Variants in TBL1X observed in about 807,000 individuals in gnomAD.
TBL1X encodes F-box-like/WD repeat-containing protein TBL1X.
A neutral mutation model predicts 50.7 loss-of-function variants in TBL1X; 10 were observed. The observed-to-expected ratio is 0.20, with a 90% CI of 0.12 to 0.33. The LOEUF (loss-of-function observed/expected upper bound fraction) is 0.33. Among genes scored for constraint, TBL1X ranks in the 10% least tolerant of loss-of-function variants. The pLI, the probability that TBL1X is intolerant of heterozygous loss-of-function variation, is 1.00. For missense variants in TBL1X, 340 were observed against 504.4 expected (o/e 0.67, Z 3.12); for synonymous variants, 190 against 214.7 (o/e 0.88, Z 1.01).
intron 16 of TBL1X, among the ~76,000 whole-genome samples, chrX:9,713,327 C>G (rs1436607888): frequency 9.1e-6 from 1 of 109,719 alleles, no homozygotes; most frequent in Non-Finnish European, 1.9e-5. Flanking sequence ...CATCAATTAT[C>G]AAAACAATGA....
At chrX:9,507,958 A>G in intron 2 of TBL1X, among the ~76,000 whole-genome samples, 1 of 112,594 alleles carries the variant, frequency 8.9e-6, no homozygotes, top group South Asian at 3.7e-4. Flanking sequence ...TAGATTAAAG[A>G]CTTAAATGTA....
intron 3 of TBL1X, among the ~76,000 whole-genome samples, chrX:9,640,812 T>A (rs1259358281): frequency 1.8e-5 from 2 of 111,188 alleles, no homozygotes; most frequent in Non-Finnish European, 1.9e-5. Context: ...TAAAATAGTT[T>A]CAGTAGAGAC....
chrX:9,652,456 A>G (rs764628651), intron 3 of TBL1X, among the ~76,000 whole-genome samples: 3 of 112,420 alleles, frequency 2.7e-5, no homozygotes, highest in Non-Finnish European at 5.6e-5. Flanking sequence ...CTCCCCCTAA[A>G]CAAACAAAAA....
Position 9,716,327 on chromosome X carries a change from C to G in TBL1X, c.*81C>G, listed in dbSNP as rs2083278443. 1 of 1,041,632 alleles carries G rather than the reference C, an allele frequency of 9.6e-7. No individual in the cohort carries two copies. The highest frequency in any genetic ancestry group is 1.3e-6 in the Non-Finnish European group (1 of 757,878). The allele number at this position is 1,041,632 out of a possible 1,213,427, so 85.8% of individuals were successfully genotyped here. ...AGGGTTGCAGCTCTATTCTCCAAAA[C>G]TGTAGGAACTTGACTTGCGTTAGAG... On this transcript the variant is annotated 3_prime_UTR_variant, in exon 18 of 18. Transcript: ENST00000645353.
At chrX:9,465,545 G>A in intron 1 of TBL1X, 98 bp downstream of exon 1, 1 of 111,801 alleles carries the variant, frequency 8.9e-6, no homozygotes, top group Middle Eastern at 4.4e-3. Flanking sequence ...CCGGCGGCTC[G>A]GGGCGCCCGA....
intron 2 of TBL1X, among the ~76,000 whole-genome samples, chrX:9,621,456 C>T (rs978736506): frequency 1.8e-5 from 2 of 111,994 alleles, no homozygotes; most frequent in Non-Finnish European, 3.8e-5. Flanking sequence ...GTCTTATTCT[C>T]ACTGACTCCC....
chrX:9,544,740 AT>A (rs1323436368), intron 2 of TBL1X, among the ~76,000 whole-genome samples: 1 of 105,514 alleles, frequency 9.5e-6, no homozygotes, highest in East Asian at 3.1e-4. Flanking sequence ...TTTTTTTGTA[AT>A]TTTTTGTACA....
At chrX:9,712,875 G>A (rs965192243) in intron 16 of TBL1X, among the ~76,000 whole-genome samples, 5 of 111,308 alleles carry the variant, frequency 4.5e-5, no homozygotes, top group African/African-American at 1.6e-4. Context: ...CTAGTCTAAG[G>A]GAAGAGAGAG....
intron 2 of TBL1X, among the ~76,000 whole-genome samples, chrX:9,537,812 C>T (rs1197020567): frequency 8.9e-6 from 1 of 112,180 alleles, no homozygotes; most frequent in African/African-American, 3.2e-5. Flanking sequence ...TTTACATAGT[C>T]ATGTGTGGCT....
At chrX:9,590,221 G>A (rs768063547) in intron 2 of TBL1X, among the ~76,000 whole-genome samples, 45 of 111,685 alleles carry the variant, frequency 4.0e-4, no homozygotes, top group Admixed American at 5.7e-4. Context: ...GTGCTGTGCC[G>A]GGTCTTAACT....
intron 2 of TBL1X, among the ~76,000 whole-genome samples, chrX:9,612,017 C>T (rs2082616189): frequency 8.9e-6 from 1 of 112,936 alleles, no homozygotes; most frequent in Admixed American, 9.3e-5. Context: ...TTTCGATCGC[C>T]TGGGCGTTCT....
chrX:9,509,482 C>CT (rs63110360), intron 2 of TBL1X, among the ~76,000 whole-genome samples: 2,978 of 63,478 alleles, frequency 0.047, 286 homozygotes, highest in South Asian at 0.073. Flanking sequence ...TACAGAATCG[C>CT]TTTTTTTTTT....
At chrX:9,564,506 G>A (rs1296218699) in intron 2 of TBL1X, among the ~76,000 whole-genome samples, 1 of 110,835 alleles carries the variant, frequency 9.0e-6, no homozygotes. Flanking sequence ...GGGCCCAGGT[G>A]GACAGATCAC....
chrX:9,537,045 G>C (rs1209216404), intron 2 of TBL1X, among the ~76,000 whole-genome samples: 1 of 111,663 alleles, frequency 9.0e-6, no homozygotes, highest in Admixed American at 9.5e-5. Context: ...TTTCCTTTCA[G>C]AGTTACCAAA....
intron 12 of TBL1X, among the ~76,000 whole-genome samples, chrX:9,700,165 C>T (rs184535265): frequency 1.2e-4 from 14 of 112,095 alleles, no homozygotes; most frequent in African/African-American, 4.2e-4. Flanking sequence ...AGTTCCGTCA[C>T]GTTTGGCTTA....
chrX:9,662,849 C>T (rs905415372), intron 5 of TBL1X, among the ~76,000 whole-genome samples: 2 of 112,097 alleles, frequency 1.8e-5, no homozygotes, highest in Non-Finnish European at 3.8e-5. Context: ...CCCAGCTATT[C>T]AGAAGGCTGA....
At chrX:9,670,059 A>T (rs2082951766) in intron 5 of TBL1X, among the ~76,000 whole-genome samples, 1 of 111,942 alleles carries the variant, frequency 8.9e-6, no homozygotes. Flanking sequence ...ATGAAAGGCT[A>T]CCAAATTAGG....
intron 1 of TBL1X, among the ~76,000 whole-genome samples, chrX:9,470,107 A>T (rs845450): frequency 0.35 from 39,041 of 111,378 alleles, 5,081 homozygotes; most frequent in South Asian, 0.52. Context: ...AAAATTTTTT[A>T]AAAATTTTTC....
Position 9,495,841 on chromosome X carries a change from A to G in TBL1X, c.-200-5939A>G, listed in dbSNP as rs754413005. 1.2e-4 allele frequency among the ~76,000 whole-genome samples: 13 copies of G among 110,851 alleles called. No individual in the cohort carries two copies. The East Asian group carries it at 3.2e-3, about 27-fold the overall frequency. ...AAACTGGCACTGTGAATAGACTGCG[A>G]AAAGGACACTTGTTTACGGAGTGAG... On this transcript the variant is annotated intron_variant, in intron 1 of 17. Transcript: ENST00000645353.
Sources: allele counts gnomAD v4.1 joint callset (sites outside exome capture counted in the v4.1 genomes callset), GRCh38; gene constraint gnomAD v4.1.1; transcripts MANE v1.5; gene names NCBI Gene and HGNC (gene_info 2026-07-23, HGNC 2026-07-21).